TLK2: variants seen among roughly 807,000 people sequenced by gnomAD.
TLK2 encodes serine/threonine-protein kinase tousled-like 2.
TLK2 carries 6 observed loss-of-function variants against 117.3 expected under a neutral mutation model. That is an observed-to-expected ratio of 0.05 (90% CI 0.03 to 0.10). The LOEUF is 0.10. Among genes scored for constraint, TLK2 ranks in the 10% least tolerant of loss-of-function variants. The pLI, the probability that TLK2 is intolerant of heterozygous loss-of-function variation, is 1.00. For missense variants in TLK2, 299 were observed against 901.2 expected, an observed-to-expected ratio of 0.33 and a Z score of 8.56; for synonymous variants, 257 against 316.7, an observed-to-expected ratio of 0.81 and a Z score of 2.00.
chr17:62,597,305 T>C (rs1156947753), intron 17 of TLK2: 1 of 152,278 alleles, frequency 6.6e-6, no homozygotes, highest in Admixed American at 6.5e-5. Flanking sequence ...CATGGTGTTG[T>C]CAAATTTCAT....
intron 11 of TLK2, among the ~76,000 whole-genome samples, chr17:62,566,700 C>G (rs2079824508): frequency 6.6e-6 from 1 of 152,146 alleles, no homozygotes; most frequent in African/African-American, 2.4e-5. Context: ...CCAAGACATG[C>G]AAGTTGTCCT....
intron 2 of TLK2, among the ~76,000 whole-genome samples, chr17:62,506,383 T>C (rs573279646): frequency 2.6e-5 from 4 of 152,342 alleles, no homozygotes; most frequent in East Asian, 3.9e-4. Flanking sequence ...CTTAGTTCTT[T>C]ATAGTAAACT....
chr17:62,574,306 C>T (rs770576897), intron 12 of TLK2: 30 of 1,534,750 alleles, frequency 2.0e-5, no homozygotes, highest in Non-Finnish European at 2.4e-5. Context: ...CCTTGATGTT[C>T]GTTTAGTAAG....
chr17:62,610,066 A>G (rs1339069596), intron 21 of TLK2, among the ~76,000 whole-genome samples: 1 of 152,144 alleles, frequency 6.6e-6, no homozygotes, highest in African/African-American at 2.4e-5. Flanking sequence ...ACTTGAATAC[A>G]TTGTCTGGTA....
At chr17:62,598,820 G>C (rs2082671576) in intron 17 of TLK2, among the ~76,000 whole-genome samples, 1 of 152,112 alleles carries the variant, frequency 6.6e-6, no homozygotes, top group African/African-American at 2.4e-5. Context: ...ACCGCGCCTG[G>C]CTGAAAGTGA....
At chr17:62,559,635 C>T (rs2079114468) in intron 9 of TLK2, among the ~76,000 whole-genome samples, 1 of 152,064 alleles carries the variant, frequency 6.6e-6, no homozygotes, top group Non-Finnish European at 1.5e-5. Context: ...GCCTCGGCCT[C>T]CCAAAGTGCT....
chr17:62,591,083 C>G (rs1390025100), intron 16 of TLK2, among the ~76,000 whole-genome samples: 1 of 151,992 alleles, frequency 6.6e-6, no homozygotes, highest in African/African-American at 2.4e-5. Context: ...AACCCGGTCT[C>G]TACTAAAAAT....
intron 2 of TLK2, among the ~76,000 whole-genome samples, chr17:62,500,695 T>C (rs1006278288): frequency 6.6e-5 from 10 of 152,294 alleles, no homozygotes; most frequent in African/African-American, 2.4e-4. Context: ...TTTACCAAAA[T>C]AGACCATATG....
At chr17:62,514,512 A>G (rs1034256260) in intron 2 of TLK2, among the ~76,000 whole-genome samples, 6 of 152,044 alleles carry the variant, frequency 3.9e-5, no homozygotes, top group African/African-American at 7.2e-5. Context: ...TTTAAAAACA[A>G]TACAGTTTCA....
chr17:62,563,614 A>G (rs2079480131), intron 10 of TLK2, among the ~76,000 whole-genome samples: 1 of 151,996 alleles, frequency 6.6e-6, no homozygotes, highest in African/African-American at 2.4e-5. Flanking sequence ...ATCCCATGGT[A>G]TCATCTCTCA....
intron 2 of TLK2, among the ~76,000 whole-genome samples, chr17:62,507,734 T>G (rs564913226): frequency 1.1e-3 from 160 of 152,250 alleles, no homozygotes; most frequent in African/African-American, 3.6e-3. Context: ...TTTTCTTAGT[T>G]TATATGAGCC....
chr17:62,586,973 C>T (rs1298637123), intron 16 of TLK2, among the ~76,000 whole-genome samples: 1 of 152,048 alleles, frequency 6.6e-6, no homozygotes, highest in Non-Finnish European at 1.5e-5. Context: ...CTTGTTCAGC[C>T]TCTCTGTGCT....
chr17:62,584,146 G>A (rs192982082), intron 15 of TLK2, among the ~76,000 whole-genome samples: 12 of 109,276 alleles, frequency 1.1e-4, no homozygotes, highest in South Asian at 3.1e-4. Flanking sequence ...ACGGAATCTC[G>A]CTCTGTCGCC....
Position 62,531,564 on chromosome 17 carries a change from C to A in TLK2, c.364-4606C>A, listed in dbSNP as rs1321211685. 3.3e-5 allele frequency among the ~76,000 whole-genome samples: 5 copies of A among 151,532 alleles called. No individual in the cohort carries two copies. In the East Asian group the frequency reaches 9.7e-4, roughly 29 times the overall value. On this transcript the variant is annotated intron_variant, in intron 6 of 21. Coordinates refer to ENST00000346027, the MANE Select transcript of TLK2 (RefSeq NM_006852.6). ...TTAGTTGTTGTTCATGGCTTTATTT[C>A]TTTTATGCTTTGTTTTTTAACTGTG...
intron 19 of TLK2, among the ~76,000 whole-genome samples, chr17:62,603,472 T>C (rs2147205738): frequency 6.6e-6 from 1 of 152,340 alleles, no homozygotes; most frequent in Middle Eastern, 3.4e-3. Context: ...GAAACAGGTC[T>C]ATACCTCTGC....
At chr17:62,520,464 G>GT (rs1445885814) in intron 2 of TLK2, among the ~76,000 whole-genome samples, 1 of 151,982 alleles carries the variant, frequency 6.6e-6, no homozygotes, top group East Asian at 1.9e-4. Flanking sequence ...ATCACCTGAG[G>GT]TCAGGAGATC....
At chr17:62,584,116 T>A (rs2081423712) in intron 15 of TLK2, among the ~76,000 whole-genome samples, 1 of 136,750 alleles carries the variant, frequency 7.3e-6, no homozygotes, top group South Asian at 2.5e-4. Flanking sequence ...GGTTTTTTTT[T>A]TTTTTTTTTT....
At chr17:62,501,638 C>G (rs1380989238) in intron 2 of TLK2, among the ~76,000 whole-genome samples, 1 of 151,504 alleles carries the variant, frequency 6.6e-6, no homozygotes, top group African/African-American at 2.4e-5. Flanking sequence ...TGAATAACCC[C>G]ATATTTATTA....
At chr17:62,541,938 G>A (rs1315810388) in intron 7 of TLK2, among the ~76,000 whole-genome samples, 1 of 152,160 alleles carries the variant, frequency 6.6e-6, no homozygotes, top group Non-Finnish European at 1.5e-5. Flanking sequence ...TTTGTACAAA[G>A]ACAATATATA....
Sources: gnomAD v4.1 joint callset for allele counts (sites outside exome capture counted in the v4.1 genomes callset) on GRCh38, gnomAD v4.1.1 for gene constraint, MANE v1.5 for transcripts, NCBI Gene and HGNC (gene_info 2026-07-23, HGNC 2026-07-21) for gene names.